XPO6: variants seen among roughly 807,000 people sequenced by gnomAD.
The protein encoded by XPO6 is exportin-6.
Under a neutral mutation model 130.0 loss-of-function variants are expected in XPO6, and 3 were observed. The ratio of observed to expected loss-of-function variants is 0.02; its 90% confidence interval spans 0.01 to 0.06. The LOEUF (loss-of-function observed/expected upper bound fraction) is 0.06. XPO6 is among the 10% of genes least tolerant of loss of function. XPO6 has a pLI of 1.00. For synonymous variants in XPO6, 524 were observed against 548.9 expected (o/e 0.95, Z 0.63); for missense variants, 970 against 1,393.0 (o/e 0.70, Z 4.83).
chr16:28,112,089 G>T, intron 16 of XPO6, 83 bp from the exon 17 acceptor site: 1 of 1,456,222 alleles, frequency 6.9e-7, no homozygotes, highest in Admixed American at 2.1e-5. Flanking sequence ...TTCAGCACCC[G>T]CTGGCTGCAC....
chr16:28,107,577 C>T lies in XPO6; in HGVS notation c.2442G>A (p.Leu814=). 1.2e-6 allele frequency: 2 copies of T among 1,614,212 alleles called. No homozygotes were observed. The highest frequency in any genetic ancestry group is 1.7e-6 in the Non-Finnish European group (2 of 1,180,034). Reference sequence around the variant, plus strand: ...CCAGGGAGACCTGAACAGATTCCTGCAGCGACTGGTAGCAAATCTGTCGAG... The same window carrying T: ...CCAGGGAGACCTGAACAGATTCCTGTAGCGACTGGTAGCAAATCTGTCGAG... The part of the protein sequence containing the change: ...TKSRQICYQS[L]QESVQVSLAL... The change falls in exon 18 of 24, where the codon CTG becomes CTA. Residue 814 remains leucine (L), a synonymous_variant. Transcript: ENST00000304658.
chr16:28,182,543 C>T (rs1344131792), intron 1 of XPO6, among the ~76,000 whole-genome samples: 2 of 152,224 alleles, frequency 1.3e-5, no homozygotes, highest in Non-Finnish European at 2.9e-5. Context: ...GTGAGAGAGA[C>T]TTTCTTCCCT....
At chr16:28,209,366 G>A (rs189801019) in intron 1 of XPO6, among the ~76,000 whole-genome samples, 124 of 152,176 alleles carry the variant, frequency 8.1e-4, no homozygotes, top group Non-Finnish European at 1.6e-3. Flanking sequence ...GAGGCCGGGC[G>A]CGATGGCTCA....
chr16:28,103,039 C>A (rs189072728), intron 21 of XPO6, among the ~76,000 whole-genome samples: 1 of 152,142 alleles, frequency 6.6e-6, no homozygotes, highest in Non-Finnish European at 1.5e-5. Context: ...GGAAGTATAA[C>A]AGAGTAAACT....
In XPO6 at chr16:28,106,096, G is replaced by T; in HGVS notation, c.2731C>A (p.Leu911Ile). The T allele has an allele frequency of 6.2e-7, 1 of 1,614,212 alleles. No individual in the cohort carries two copies. ...QEPGQVFKPFLPSIIALCMEQ... is the reference protein window; with the variant it reads ...QEPGQVFKPFIPSIIALCMEQ... ...ATGCACAGGGCGATGATGCTGGGGA[G>T]GAAGGGCTTGAACACCTGGCCTGGC... The change falls in exon 20 of 24, where the codon CTC (leucine) becomes ATC (isoleucine). Residue 911 changes from leucine to isoleucine, a missense_variant. Physicochemically the swap from Leu to Ile is conservative, Grantham distance 5. Transcript: ENST00000304658. The surrounding 1 kb of genome is among the most constrained non-coding windows in gnomAD (Gnocchi z 4.2).
chr16:28,135,409 G>A, intron 9 of XPO6, 85 bp from the exon 10 acceptor site: 1 of 1,072,036 alleles, frequency 9.3e-7, no homozygotes, highest in Non-Finnish European at 1.4e-6. Context: ...AAAAGAAATG[G>A]TGTCTATGTT....
At chr16:28,167,841 T>C (rs903402807) in intron 5 of XPO6, among the ~76,000 whole-genome samples, 2 of 151,888 alleles carry the variant, frequency 1.3e-5, no homozygotes, top group African/African-American at 4.8e-5. Flanking sequence ...ACATATTGTA[T>C]GCTTCCATTT....
intron 17 of XPO6, among the ~76,000 whole-genome samples, chr16:28,108,829 C>T (rs1432933215): frequency 6.6e-6 from 1 of 152,234 alleles, no homozygotes; most frequent in East Asian, 1.9e-4. Flanking sequence ...TGGAGGCAGG[C>T]CTGGCCCTGC....
chr16:28,165,477 T>G (rs1261415720), intron 6 of XPO6: 2 of 152,222 alleles, frequency 1.3e-5, no homozygotes, highest in African/African-American at 4.8e-5. Context: ...TTGTTTGTAA[T>G]CTAAGCAGTA....
chr16:28,183,539 G>C (rs1229225104), intron 1 of XPO6: 1 of 151,116 alleles, frequency 6.6e-6, no homozygotes, highest in African/African-American at 2.4e-5. Flanking sequence ...TTCTCAACAA[G>C]AACAAATAAG....
chr16:28,140,602 C>T (rs1031638660), intron 9 of XPO6, among the ~76,000 whole-genome samples: 1 of 150,318 alleles, frequency 6.7e-6, no homozygotes, highest in African/African-American at 2.5e-5. Flanking sequence ...TGCTTGAACC[C>T]GGGAAGCAGA....
At chr16:28,163,179 G>A (rs1177675070) in intron 6 of XPO6, among the ~76,000 whole-genome samples, 1 of 152,180 alleles carries the variant, frequency 6.6e-6, no homozygotes, top group Non-Finnish European at 1.5e-5. Context: ...AGCCCCTGGA[G>A]GAGAAAATAA....
At chr16:28,208,371 G>A (rs1349129627) in intron 1 of XPO6, among the ~76,000 whole-genome samples, 1 of 152,112 alleles carries the variant, frequency 6.6e-6, no homozygotes, top group Non-Finnish European at 1.5e-5. Flanking sequence ...CTGGAATAAA[G>A]AGCTGGGATC....
At position 28,112,944 on chromosome 16, in the gene XPO6, T is replaced by G. The variant is rs770422311; in HGVS notation, c.2111A>C (p.Asn704Thr). Residue 704 changes from asparagine (N) to threonine (T), a missense_variant, in exon 16 of 24, where the codon AAC becomes ACC. Coordinates refer to ENST00000304658, the MANE Select transcript of XPO6 (RefSeq NM_015171.4). Reference protein sequence around the residue: ...ISIPAVQKVFNRITDASALRL... With the variant: ...ISIPAVQKVFTRITDASALRL... ...CAGGGCAGAGGCATCAGTGATTCTG[T>G]TGAATACTTTCTGCACTGCAGGGAT... 6.2e-7 allele frequency: 1 copy of G among 1,614,112 alleles called. No homozygotes were observed.
Position 28,146,136 on chromosome 16 carries a change from T to C in XPO6, c.1292A>G (p.Lys431Arg). The C allele has an allele frequency of 6.2e-7, 1 of 1,614,140 alleles. No individual in the cohort carries two copies. Residue 431 changes from lysine (K) to arginine (R), a missense_variant, in exon 9 of 24, where the codon AAA becomes AGA. Lys to Arg is a conservative substitution (Grantham distance 26). Transcript: ENST00000304658. ...CTTGTCTCCAAGACGACTTTTAATT[T>C]TACTTGTCAGATAGTCCAAAAACAG... Reference protein sequence around the residue: ...WTLFLDYLTSKIKSRLGDKEA... With the variant: ...WTLFLDYLTSRIKSRLGDKEA...
rs2086658253 is a variant in XPO6 at position 28,101,692 on chromosome 16, C to T, written c.3046-4G>A. 17 of 1,603,720 alleles carry T rather than the reference C, an allele frequency of 1.1e-5. No homozygotes were observed. The highest frequency in any genetic ancestry group is 1.5e-5 in the Non-Finnish European group (17 of 1,172,348). On this transcript the variant is annotated splice_polypyrimidine_tract_variant and splice_region_variant and intron_variant, in intron 22 of 23. Coordinates refer to ENST00000304658, the MANE Select transcript of XPO6 (RefSeq NM_015171.4). The surrounding 1 kb of genome is among the most constrained non-coding windows in gnomAD (Gnocchi z 5.4). ...GCATGGCAGTCCGGAAGATCTTCTG[C>T]AGGCAGAGAGACCAGGTGAGCAGCA...
At chr16:28,128,016 G>T (rs1203908607) in intron 12 of XPO6, among the ~76,000 whole-genome samples, 2 of 152,154 alleles carry the variant, frequency 1.3e-5, no homozygotes, top group African/African-American at 4.8e-5. Context: ...CCAGCCAGAC[G>T]AACTCACGGA....
At chr16:28,130,008 T>C (rs1352035410) in intron 12 of XPO6, among the ~76,000 whole-genome samples, 4 of 152,172 alleles carry the variant, frequency 2.6e-5, no homozygotes, top group African/African-American at 4.8e-5. Context: ...GAGCAAAGGA[T>C]GACCTGCCAG....
chr16:28,125,612 A>G (rs1164838654), intron 13 of XPO6, 77 bp downstream of exon 13: 11 of 1,531,212 alleles, frequency 7.2e-6, no homozygotes, highest in East Asian at 6.9e-5. Flanking sequence ...CTATTTGGCA[A>G]TATGCTGCCC....
Sources: gnomAD v4.1 joint callset for allele counts (sites outside exome capture counted in the v4.1 genomes callset) on GRCh38, gnomAD v4.1.1 for gene constraint, Gnocchi (gnomAD v3.1) non-coding constraint, MANE v1.5 for transcripts, NCBI Gene and HGNC (gene_info 2026-07-23, HGNC 2026-07-21) for gene names.